The following TTC12 variants were observed in gnomAD, a reference collection of about 807,000 sequenced individuals.
The protein encoded by TTC12 is tetratricopeptide repeat protein 12.
TTC12 carries 70 observed loss-of-function variants against 90.1 expected under a neutral mutation model. That is an observed-to-expected ratio of 0.78 (90% CI 0.64 to 0.95). The LOEUF (loss-of-function observed/expected upper bound fraction) is 0.95. TTC12 is among the 40% of genes least tolerant of loss of function. The pLI, the probability that TTC12 is intolerant of heterozygous loss-of-function variation, is 0.00. For synonymous variants in TTC12, 296 were observed against 311.5 expected, an observed-to-expected ratio of 0.95 and a Z score of 0.53; for missense variants, 819 against 846.1, an observed-to-expected ratio of 0.97 and a Z score of 0.40.
At chr11:113,351,340 T>C in intron 15 of TTC12, 41 bp downstream of exon 15, 1 of 1,556,482 alleles carries the variant, frequency 6.4e-7, no homozygotes, top group South Asian at 1.1e-5. Context: ...ACAGACACTC[T>C]CAGGAGCGTG....
intron 19 of TTC12, among the ~76,000 whole-genome samples, chr11:113,363,025 G>A (rs927789733): frequency 3.9e-5 from 6 of 152,198 alleles, no homozygotes; most frequent in Admixed American, 1.3e-4. Context: ...CTGCAAGGGC[G>A]AAGGGGATTA....
At chr11:113,365,958 G>C (rs1290900128) in intron 21 of TTC12, among the ~76,000 whole-genome samples, 1 of 152,220 alleles carries the variant, frequency 6.6e-6, no homozygotes, top group Non-Finnish European at 1.5e-5. Context: ...CTATGGGGGA[G>C]TTCTCGAGAG....
chr11:113,321,213 T>C (rs1396530796), intron 2 of TTC12, among the ~76,000 whole-genome samples: 5 of 152,080 alleles, frequency 3.3e-5, no homozygotes, highest in Non-Finnish European at 7.4e-5. Flanking sequence ...ATCCATTACA[T>C]TGACAACAAT....
intron 2 of TTC12, among the ~76,000 whole-genome samples, chr11:113,323,016 T>C (rs1394955532): frequency 1.3e-5 from 2 of 150,190 alleles, no homozygotes; most frequent in East Asian, 2.0e-4. Flanking sequence ...TAATGAGCTC[T>C]CCATAAATTA....
intron 18 of TTC12, 129 bp from the exon 19 acceptor site, chr11:113,362,272 C>T (rs1182799037): frequency 9.3e-6 from 6 of 647,206 alleles, no homozygotes; most frequent in Non-Finnish European, 1.6e-5. Flanking sequence ...ATTATTTGGC[C>T]ATCATATTTT....
Position 113,360,020 on chromosome 11 carries a change from C to T in TTC12, c.1614+12C>T, listed in dbSNP as rs80208311. The T allele has an allele frequency of 1.5e-3, 2,410 of 1,561,490 alleles. 26 individuals are homozygous for T. In the African/African-American group the frequency reaches 0.03, roughly 19 times the overall value. On this transcript the variant is annotated intron_variant, in intron 18 of 21. Transcript: ENST00000529221. ...GAGGAATCCTGACAGTAAGTTTCTC[C>T]CAGGGAAATCCAGAAGCAGCTTCCA...
downstream of TTC12, among the ~76,000 whole-genome samples, chr11:113,370,781 G>A (rs532237023): frequency 5.9e-5 from 9 of 152,272 alleles, no homozygotes; most frequent in South Asian, 1.5e-3. Context: ...TGTCACCAGC[G>A]GGTTGGAAGG....
chr11:113,337,802 G>A (rs1948452280), intron 8 of TTC12, among the ~76,000 whole-genome samples: 1 of 152,138 alleles, frequency 6.6e-6, no homozygotes, highest in Non-Finnish European at 1.5e-5. Flanking sequence ...CCAAGCAAGA[G>A]GTGGTGATGG....
At position 113,366,225 on chromosome 11, in the gene TTC12, A is replaced by T; in HGVS notation, c.2043A>T (p.Arg681Ser). Reference protein sequence around the residue: ...ALGKLCTAEPRFAAQLRKLHG... With the variant: ...ALGKLCTAEPSFAAQLRKLHG... ...GGGTTGTTTGTTTTGATTGTGACAG[A>T]TTTGCTGCTCAACTGAGAAAGCTTC... The change falls in exon 22 of 22, where the codon AGA (arginine) becomes AGT (serine). Residue 681 changes from arginine (R) to serine (S), a missense_variant and splice_region_variant. Transcript: ENST00000529221. 6.2e-7 allele frequency: 1 copy of T among 1,613,054 alleles called. No homozygotes were observed. Among genetic ancestry groups the T allele is most frequent in the Non-Finnish European group, 8.5e-7 (1 of 1,180,002 alleles).
chr11:113,343,082 A>G (rs1948768377), intron 12 of TTC12, among the ~76,000 whole-genome samples: 1 of 152,218 alleles, frequency 6.6e-6, no homozygotes, highest in Non-Finnish European at 1.5e-5. Context: ...AACTCAATAA[A>G]TGCAAAGCAG....
intron 16 of TTC12, among the ~76,000 whole-genome samples, chr11:113,352,841 T>C (rs1248363111): frequency 3.9e-5 from 6 of 152,246 alleles, no homozygotes; most frequent in African/African-American, 1.4e-4. Flanking sequence ...ATTTTCTTTA[T>C]CCAGTCTATC....
rs372770355 is a variant in TTC12, at chr11:113,325,583, C to T, written c.382C>T (p.Arg128Cys). 7.0e-5 allele frequency: 113 copies of T among 1,613,904 alleles called. No homozygotes were observed. Among genetic ancestry groups the T allele is most frequent in the Admixed American group, 2.2e-4 (13 of 60,010 alleles). ...AGGCAATTATGAAACAGCTATCCTGCGCTACAGTGAGGGTTTGGAGAAGCT... is the reference window on the plus strand; with the variant it reads ...AGGCAATTATGAAACAGCTATCCTGTGCTACAGTGAGGGTTTGGAGAAGCT... ...AEGNYETAIL[R>C]YSEGLEKLKD... The change falls in exon 6 of 22, where the codon CGC becomes TGC. Residue 128 changes from arginine (R) to cysteine (C), a missense_variant. Arg to Cys is a radical substitution (Grantham distance 180). Coordinates refer to ENST00000529221, the MANE Select transcript of TTC12 (RefSeq NM_017868.4).
In TTC12 at chr11:113,339,270, T is replaced by A. The variant is rs369505137; in HGVS notation, c.638-16T>A. On this transcript the variant is annotated splice_polypyrimidine_tract_variant and intron_variant, in intron 9 of 21. Coordinates refer to ENST00000529221, the MANE Select transcript of TTC12 (RefSeq NM_017868.4). ...TTGTTAGGGTTTTGTTTTGCTTTCC[T>A]TTCTTGTTTTTCTAGGTTACCTGAA... is the stretch of plus-strand genomic sequence containing the variant. 2.5e-6 allele frequency: 4 copies of A among 1,586,856 alleles called. No homozygotes were observed. Among genetic ancestry groups the A allele is most frequent in the Non-Finnish European group, 3.4e-6 (4 of 1,169,268 alleles).
chr11:113,339,313 A>T lies in TTC12; in HGVS notation c.665A>T (p.Glu222Val). The change falls in exon 10 of 22, where the codon GAA (glutamate) becomes GTA (valine). Residue 222 changes from glutamate (E) to valine (V), a missense_variant. By Grantham distance (121) the Glu-to-Val change is moderately radical. Transcript: ENST00000529221. The part of the protein sequence containing the change: ...KGYLNQVDLQ[E>V]KADLQEKEAH... ...TACCTGAATCAAGTAGATCTTCAGGAAAAAGCAGACCTTCAAGAAAAGGAA... is the reference window on the plus strand; with the variant it reads ...TACCTGAATCAAGTAGATCTTCAGGTAAAAGCAGACCTTCAAGAAAAGGAA... 1 of 1,607,972 alleles carries T rather than the reference A, an allele frequency of 6.2e-7. No individual in the cohort carries two copies.
intron 16 of TTC12, among the ~76,000 whole-genome samples, chr11:113,356,440 C>T (rs1241571593): frequency 2.0e-5 from 3 of 152,196 alleles, no homozygotes; most frequent in Admixed American, 6.5e-5. Context: ...GGCTCATTTA[C>T]ATTCAAGGTT....
At chr11:113,339,732 G>A (rs782417236) in intron 10 of TTC12, among the ~76,000 whole-genome samples, 2 of 152,072 alleles carry the variant, frequency 1.3e-5, no homozygotes, top group African/African-American at 2.4e-5. Context: ...GCACACACTC[G>A]ATATATACTT....
chr11:113,334,240 TAG>T, intron 7 of TTC12, among the ~76,000 whole-genome samples: 1 of 152,358 alleles, frequency 6.6e-6, no homozygotes, highest in Admixed American at 6.5e-5. Context: ...CTGGATGTCT[TAG>T]ATTTAGCGTA....
At chr11:113,371,238 A>G (rs994268017), downstream of TTC12, among the ~76,000 whole-genome samples, 31 of 152,334 alleles carry the variant, frequency 2.0e-4, no homozygotes, top group Middle Eastern at 3.4e-3. Flanking sequence ...GGTCCCCTAT[A>G]TGAAATGCAT....
intron 9 of TTC12, 41 bp from the exon 10 acceptor site, chr11:113,339,245 T>C (rs1037063989): frequency 6.5e-7 from 1 of 1,537,846 alleles, no homozygotes; most frequent in Non-Finnish European, 8.8e-7. Flanking sequence ...GTATTGTTGA[T>C]TGTTAGGGTT....
Sources: gnomAD v4.1 joint callset for allele counts (sites outside exome capture counted in the v4.1 genomes callset) on GRCh38, gnomAD v4.1.1 for gene constraint, MANE v1.5 for transcripts, NCBI Gene and HGNC (gene_info 2026-07-23, HGNC 2026-07-21) for gene names.